EFCAB6: variants seen among roughly 807,000 people sequenced by gnomAD.
EFCAB6 encodes the protein EF-hand calcium-binding domain-containing protein 6.
Under a neutral mutation model 169.8 loss-of-function variants are expected in EFCAB6, and 156 were observed. That is an observed-to-expected ratio of 0.92 (90% CI 0.81 to 1.05). The LOEUF (loss-of-function observed/expected upper bound fraction) is 1.05, where lower values mean the gene tolerates loss of function less well. Ranked by LOEUF, EFCAB6 falls within the 50% of genes least tolerant of loss-of-function variation. The pLI is 0.00. For synonymous variants in EFCAB6, 698 were observed against 676.4 expected (o/e 1.03, Z -0.50); for missense variants, 1,800 against 1,829.1 (o/e 0.98, Z 0.29).
intron 17 of EFCAB6, among the ~76,000 whole-genome samples, chr22:43,666,313 C>T (rs2057245781): frequency 6.6e-6 from 1 of 152,198 alleles, no homozygotes; most frequent in Admixed American, 6.5e-5. Context: ...CCAGTCCATG[C>T]TCCTCCATGA....
rs1052688843 is a variant in EFCAB6, at chr22:43,626,602, G to C, written c.2310C>G (p.Leu770=). 6.2e-7 allele frequency: 1 copy of C among 1,614,058 alleles called. No individual in the cohort carries two copies. The highest frequency in any genetic ancestry group is 1.7e-5 in the Admixed American group (1 of 59,998). The part of the protein sequence containing the change: ...IINMHDLHRL[L]LHLLLNLKDD... ...CTTTGAGATTAAGCAGTAGATGCAG[G>C]AGCAGTCTGTGAAGGTCATGCATGT... Residue 770 remains leucine (L), a synonymous_variant, in exon 20 of 32, where the codon CTC becomes CTG. Coordinates refer to ENST00000262726, the MANE Select transcript of EFCAB6 (RefSeq NM_022785.4).
intron 24 of EFCAB6, among the ~76,000 whole-genome samples, chr22:43,586,858 C>T (rs1002461684): frequency 6.6e-6 from 1 of 152,070 alleles, no homozygotes. Flanking sequence ...TTTTAATGAG[C>T]CCTTGCAATG....
chr22:43,567,214 A>G (rs2049503212), intron 26 of EFCAB6, among the ~76,000 whole-genome samples: 1 of 152,102 alleles, frequency 6.6e-6, no homozygotes, highest in African/African-American at 2.4e-5. Flanking sequence ...ACGTTCACAA[A>G]GGATCTATGC....
intron 1 of EFCAB6, 98 bp downstream of exon 1, chr22:43,812,070 C>A: frequency 6.6e-6 from 1 of 152,318 alleles, no homozygotes; most frequent in East Asian, 1.9e-4. Context: ...GGCAGCAGCG[C>A]CGGCCTTCTC....
intron 3 of EFCAB6, among the ~76,000 whole-genome samples, chr22:43,781,683 G>A (rs1034908989): frequency 6.6e-6 from 1 of 152,018 alleles, no homozygotes; most frequent in African/African-American, 2.4e-5. Context: ...CCACCATCAA[G>A]AGTGAACCCT....
In EFCAB6 at chr22:43,626,646, C is replaced by T; in HGVS notation, c.2266G>A (p.Asp756Asn). 1 of 1,614,204 alleles carries T rather than the reference C, an allele frequency of 6.2e-7. No homozygotes were observed. Among genetic ancestry groups the T allele is most frequent in the Non-Finnish European group, 8.5e-7 (1 of 1,180,038 alleles). Residue 756 changes from aspartate to asparagine, a missense_variant, in exon 20 of 32, where the codon GAC becomes AAC. Coordinates refer to ENST00000262726, the MANE Select transcript of EFCAB6 (RefSeq NM_022785.4). ...PYSAFFKTDA[D>N]RDGIINMHDL... is the part of the protein sequence containing the mutation. ...TGCATGTTGATTATGCCATCCCTGT[C>T]AGCATCTGTTTTAAAGAAGGCAGAG...
chr22:43,647,392 G>A (rs916820269), intron 17 of EFCAB6, among the ~76,000 whole-genome samples: 2 of 152,156 alleles, frequency 1.3e-5, no homozygotes, highest in Non-Finnish European at 2.9e-5. Context: ...GACAAAGAGC[G>A]GATAAATTAT....
intron 6 of EFCAB6, among the ~76,000 whole-genome samples, chr22:43,750,464 G>T (rs552650400): frequency 6.6e-6 from 1 of 152,114 alleles, no homozygotes; most frequent in East Asian, 1.9e-4. Flanking sequence ...ACAGCTCTAC[G>T]ATATGCTAAT....
intron 27 of EFCAB6, among the ~76,000 whole-genome samples, chr22:43,540,980 T>A (rs76593415): frequency 3.2e-4 from 18 of 56,356 alleles, no homozygotes; most frequent in African/African-American, 1.0e-3. Flanking sequence ...GAAAAAAAAA[T>A]GAATGACTCA....
chr22:43,554,798 C>T, intron 27 of EFCAB6, 71 bp downstream of exon 27: 2 of 1,331,406 alleles, frequency 1.5e-6, no homozygotes, highest in South Asian at 1.2e-5. Context: ...AAACTCTGTA[C>T]ATTCTGGCCA....
In EFCAB6 at chr22:43,784,556, TACAC is replaced by T. The variant is rs1387865127; in HGVS notation, c.-7-2235_-7-2232del. On this transcript the variant is annotated intron_variant, in intron 2 of 31. Coordinates refer to ENST00000262726, the MANE Select transcript of EFCAB6 (RefSeq NM_022785.4). ...GTGTGTGTGTGTGTATATGTATATATACACATATATATGTGTACATATACACATA... is the reference window on the plus strand; with the variant it reads ...GTGTGTGTGTGTGTATATGTATATATATATATATGTGTACATATACACATA... Among the ~76,000 whole-genome samples the T allele has an allele frequency of 1.0e-2, 727 of 73,058 alleles. 31 individuals carry two copies. Among genetic ancestry groups the T allele is most frequent in the African/African-American group, 0.035 (703 of 19,872 alleles). 47.9% of individuals were successfully genotyped at this position (73,058 alleles called of 152,430 possible). A position where few individuals can be genotyped will look rare whatever the true frequency, so the allele number is the denominator to read the frequency against.
chr22:43,738,319 CATAT>C (rs1019333764), intron 6 of EFCAB6, among the ~76,000 whole-genome samples: 5 of 151,338 alleles, frequency 3.3e-5, no homozygotes, highest in Admixed American at 6.6e-5. Flanking sequence ...GTCACTCACA[CATAT>C]ATATTCACAC....
intron 27 of EFCAB6, chr22:43,552,062 A>G (rs1030729305): frequency 6.6e-6 from 1 of 151,602 alleles, no homozygotes; most frequent in African/African-American, 2.4e-5. Flanking sequence ...TGAAACCCTG[A>G]CCTCGTGATC....
At chr22:43,531,061 T>C (rs2047033052) in intron 30 of EFCAB6, 97 bp from the exon 31 acceptor site, 2 of 1,529,686 alleles carry the variant, frequency 1.3e-6, no homozygotes, top group East Asian at 4.5e-5. Context: ...CCAGCCCTGC[T>C]CCGGCTTCAC....
intron 8 of EFCAB6, among the ~76,000 whole-genome samples, chr22:43,724,807 C>A (rs1405592132): frequency 6.6e-6 from 1 of 152,188 alleles, no homozygotes; most frequent in Non-Finnish European, 1.5e-5. Context: ...GTAATCTAGG[C>A]TTTTTCTAGC....
intron 10 of EFCAB6, among the ~76,000 whole-genome samples, chr22:43,694,781 C>T (rs999783700): frequency 6.6e-6 from 1 of 151,892 alleles, no homozygotes; most frequent in Non-Finnish European, 1.5e-5. Context: ...TTTCAGCAAA[C>T]AAGTAATAGA....
rs989626736 is a variant in EFCAB6 at position 43,795,546 on chromosome 22, T to C, written c.-7-13221A>G. 6.6e-6 allele frequency among the ~76,000 whole-genome samples: 1 copy of C among 150,940 alleles called. No individual in the cohort carries two copies. The highest frequency in any genetic ancestry group is 1.5e-5 in the Non-Finnish European group (1 of 67,872). On this transcript the variant is annotated intron_variant, in intron 2 of 31. Coordinates refer to ENST00000262726, the MANE Select transcript of EFCAB6 (RefSeq NM_022785.4). The surrounding 1 kb of genome is among the most constrained non-coding windows in gnomAD (Gnocchi z 4.2). ...CTCTGCCTTGAGACCTCCTGGAACA[T>C]CACTTTCTGGAGAGGCTTCTCTGAC...
intron 18 of EFCAB6, among the ~76,000 whole-genome samples, chr22:43,634,353 T>G (rs1419525239): frequency 2.6e-5 from 4 of 152,074 alleles, no homozygotes; most frequent in Non-Finnish European, 5.9e-5. Context: ...CAAATGACAG[T>G]CTGACAAGGC....
At chr22:43,590,829 T>C (rs908863210) in intron 23 of EFCAB6, among the ~76,000 whole-genome samples, 5 of 151,000 alleles carry the variant, frequency 3.3e-5, no homozygotes, top group Non-Finnish European at 7.4e-5. Context: ...TGAGCAAAGA[T>C]GGATGCAAAA....
Sources: allele counts gnomAD v4.1 joint callset (sites outside exome capture counted in the v4.1 genomes callset), GRCh38; gene constraint gnomAD v4.1.1; non-coding constraint Gnocchi (gnomAD v3.1); transcripts MANE v1.5; gene names NCBI Gene and HGNC (gene_info 2026-07-23, HGNC 2026-07-21).